COL5A3: variants seen among roughly 807,000 people sequenced by gnomAD.
The protein encoded by COL5A3 is collagen type V alpha 3 chain, also known as collagen alpha-3(V) chain.
COL5A3 carries 172 observed loss-of-function variants against 250.0 expected under a neutral mutation model. The observed-to-expected ratio is 0.69, with a 90% CI of 0.61 to 0.78. The LOEUF is 0.78. Ranked by LOEUF, COL5A3 falls within the 30% of genes least tolerant of loss-of-function variation. COL5A3 has a pLI of 0.00. For missense variants in COL5A3, 2,340 were observed against 2,334.4 expected (o/e 1.00, Z -0.05); for synonymous variants, 937 against 900.4 (o/e 1.04, Z -0.73).
At chr19:9,993,596 G>T in intron 18 of COL5A3, 23 bp downstream of exon 18, 6 of 1,613,152 alleles carry the variant, frequency 3.7e-6, no homozygotes, top group Non-Finnish European at 4.2e-6. Context: ...CTTAGACTTG[G>T]GGGAGGGACC....
Position 9,970,656 on chromosome 19 carries a change from C to A in COL5A3, c.3902G>T (p.Gly1301Val). 1 of 1,450,478 alleles carries A rather than the reference C, an allele frequency of 6.9e-7. No individual in the cohort carries two copies. The highest frequency in any genetic ancestry group is 2.6e-5 in the East Asian group (1 of 38,132). 89.9% of individuals were successfully genotyped at this position (1,450,478 alleles called of 1,614,324 possible). ...GGGGGGCCCGGGGGCGCCGGGCTCCCCAGAAGCTCCAGGCGGACCCTGGAG... is the reference window on the plus strand; with the variant it reads ...GGGGGGCCCGGGGGCGCCGGGCTCCACAGAAGCTCCAGGCGGACCCTGGAG... Reference protein sequence around the residue: ...VGGPGPPGASGEPGAPGPPGK... With the variant: ...VGGPGPPGASVEPGAPGPPGK... Residue 1301 changes from glycine (G) to valine (V), a missense_variant, in exon 54 of 67, where the codon GGG (glycine) becomes GTG (valine). Transcript: ENST00000264828.
At position 9,966,380 on chromosome 19, in the gene COL5A3, G is replaced by T; in HGVS notation, c.4716C>A (p.Phe1572Leu). Reference sequence around the variant, plus strand: ...CCGCCGTGAAGTTGCAAAAAACCCTGAACGAGTCCCGCGCGCAGCCCTGGT... The same window carrying T: ...CCGCCGTGAAGTTGCAAAAAACCCTTAACGAGTCCCGCGCGCAGCCCTGGT... ...DPNQGCARDS[F>L]RVFCNFTAGG... Residue 1572 changes from phenylalanine to leucine, a missense_variant, in exon 64 of 67, where the codon TTC (phenylalanine) becomes TTA (leucine). Around this residue, in one of 3 missense-constraint regions of COL5A3, gnomAD observed 1,179 missense variants for 1,162.6 expected, o/e 1.01. Transcript: ENST00000264828. 2 of 1,610,046 alleles carry T rather than the reference G, an allele frequency of 1.2e-6. No homozygotes were observed. Among genetic ancestry groups the T allele is most frequent in the Non-Finnish European group, 1.7e-6 (2 of 1,177,602 alleles).
rs528369088 is a variant in COL5A3 at position 9,995,683 on chromosome 19, T to A, written c.1534-66A>T. On this transcript the variant is annotated intron_variant, in intron 15 of 66. Coordinates refer to ENST00000264828, the MANE Select transcript of COL5A3 (RefSeq NM_015719.4). ...AGAAAGAGGGACTTATTCTATTGTA[T>A]TAAAAAAAATTAGAGATGGGGTCTT... The A allele has an allele frequency of 2.8e-5, 35 of 1,264,480 alleles. No homozygotes were observed. The African/African-American group carries it at 4.9e-4, about 18-fold the overall frequency. The allele number at this position is 1,264,480 out of a possible 1,614,324, so 78.3% of individuals were successfully genotyped here. A position where few individuals can be genotyped will look rare whatever the true frequency, so the allele number is the denominator to read the frequency against.
intron 33 of COL5A3, 75 bp downstream of exon 33, chr19:9,981,013 A>G: frequency 4.5e-6 from 7 of 1,546,154 alleles, no homozygotes; most frequent in Non-Finnish European, 6.3e-6. Flanking sequence ...CCCACAGATG[A>G]CCTCTCCACT....
chr19:9,982,244 A>C, intron 31 of COL5A3, 126 bp from the exon 32 acceptor site: 1 of 623,716 alleles, frequency 1.6e-6, no homozygotes, highest in Non-Finnish European at 2.8e-6. Flanking sequence ...TGGTCTCTAC[A>C]GCCCCAGCCT....
chr19:9,979,314 T>C (rs894079437), intron 38 of COL5A3, 50 bp downstream of exon 38: 3 of 1,609,814 alleles, frequency 1.9e-6, no homozygotes, highest in Non-Finnish European at 2.6e-6. Context: ...TTCCCCTAAA[T>C]ATCCCCCAAC....
intron 31 of COL5A3, 144 bp downstream of exon 31, chr19:9,985,698 G>C (rs767255759): frequency 1.4e-6 from 1 of 738,638 alleles, no homozygotes; most frequent in Non-Finnish European, 2.3e-6. Flanking sequence ...GAGCCACTAT[G>C]CCTGGCCAAA....
chr19:10,001,500 A>G, intron 8 of COL5A3, 24 bp downstream of exon 8: 2 of 1,611,816 alleles, frequency 1.2e-6, no homozygotes, highest in Middle Eastern at 3.3e-4. Context: ...TCTTGCACCT[A>G]ACCCCAGCCA....
rs369674786 is a variant in COL5A3, at chr19:9,960,406, C to T, written c.*5G>A. The T allele has an allele frequency of 3.1e-6, 5 of 1,614,036 alleles. No homozygotes were observed. In the African/African-American group the frequency reaches 6.7e-5, roughly 22 times the overall value. On this transcript the variant is annotated 3_prime_UTR_variant, in exon 67 of 67. Transcript: ENST00000264828. Reference sequence around the variant, plus strand: ...CCCTCATGGTCCCTCCCACCCCGGACACTCTCAGCTGCTGAAGCAGACGGG... The same window carrying T: ...CCCTCATGGTCCCTCCCACCCCGGATACTCTCAGCTGCTGAAGCAGACGGG...
At chr19:9,966,785 T>C in intron 62 of COL5A3, 39 bp from the exon 63 acceptor site, 1 of 1,415,878 alleles carries the variant, frequency 7.1e-7, no homozygotes, top group Non-Finnish European at 9.5e-7. Context: ...AGAGGGGAGA[T>C]GGGGGAGGGA....
chr19:9,996,728 G>A (rs1159850706), intron 11 of COL5A3, 39 bp from the exon 12 acceptor site: 7 of 1,508,690 alleles, frequency 4.6e-6, no homozygotes, highest in Non-Finnish European at 6.3e-6. Context: ...GAGACAGGGA[G>A]AGAGGGAGAG....
chr19:9,968,643 T>C lies in COL5A3; in HGVS notation c.4206+32A>G. ...GGAGGGAGGGAAAGAGGGGAGGAGA[T>C]GGGGAAGAGAATAATGGAATGATGT... On this transcript the variant is annotated intron_variant, in intron 58 of 66. Coordinates refer to ENST00000264828, the MANE Select transcript of COL5A3 (RefSeq NM_015719.4). This position sits in a 1 kb window ranked among gnomAD's most constrained non-coding sequence, Gnocchi z 4.1. 6.2e-7 allele frequency: 1 copy of C among 1,604,706 alleles called. No homozygotes were observed. Among genetic ancestry groups the C allele is most frequent in the South Asian group, 1.1e-5 (1 of 90,232 alleles).
intron 31 of COL5A3, among the ~76,000 whole-genome samples, chr19:9,984,086 CG>C (rs2087060188): frequency 2.0e-5 from 3 of 151,804 alleles, no homozygotes; most frequent in Non-Finnish European, 2.9e-5. Context: ...GTAAGTGGCA[CG>C]ATCTCAGCTC....
In COL5A3 at chr19:9,960,398, A is replaced by AC; in HGVS notation, c.*12dup. On this transcript the variant is annotated 3_prime_UTR_variant, in exon 67 of 67. Coordinates refer to ENST00000264828, the MANE Select transcript of COL5A3 (RefSeq NM_015719.4). ...CTGGGGCTCCCTCATGGTCCCTCCC[A>AC]CCCCGGACACTCTCAGCTGCTGAAG... 1 of 1,613,928 alleles carries AC rather than the reference A, an allele frequency of 6.2e-7. No individual in the cohort carries two copies. The highest frequency in any genetic ancestry group is 8.5e-7 in the Non-Finnish European group (1 of 1,179,986).
chr19:9,967,900 T>C lies in COL5A3; in HGVS notation c.4404+4A>G. 2.5e-6 allele frequency: 4 copies of C among 1,612,976 alleles called. No individual in the cohort carries two copies. Among genetic ancestry groups the C allele is most frequent in the Non-Finnish European group, 3.4e-6 (4 of 1,179,636 alleles). ...GTAAGCCCACGGAAGCAGGGTGTAC[T>C]CACCGGAGACCCTTTTGAGCCTTTC... On this transcript the variant is annotated splice_donor_region_variant and intron_variant, in intron 61 of 66. Coordinates refer to ENST00000264828, the MANE Select transcript of COL5A3 (RefSeq NM_015719.4).
At chr19:9,981,402 A>C (rs986550149) in intron 32 of COL5A3, among the ~76,000 whole-genome samples, 7 of 152,208 alleles carry the variant, frequency 4.6e-5, no homozygotes, top group Admixed American at 3.9e-4. Flanking sequence ...ACAGCTGTGC[A>C]GTATGCATAC....
At chr19:9,988,855 A>AGGGAAAG (rs1555738984) in intron 27 of COL5A3, among the ~76,000 whole-genome samples, 1 of 104,766 alleles carries the variant, frequency 9.5e-6, no homozygotes, top group Non-Finnish European at 1.8e-5. Context: ...AAAAAAAAAA[A>AGGGAAAG]AAAGAAAGTA....
At chr19:9,998,235 C>CACAG in intron 8 of COL5A3, 86 bp from the exon 9 acceptor site, 2 of 881,904 alleles carry the variant, frequency 2.3e-6, no homozygotes, top group South Asian at 3.6e-5. Context: ...CACACTTGCA[C>CACAG]ACACACACAC....
chr19:9,995,791 C>T (rs1022192259), intron 15 of COL5A3, among the ~76,000 whole-genome samples, 174 bp from the exon 16 acceptor site: 31 of 152,182 alleles, frequency 2.0e-4, no homozygotes, highest in African/African-American at 7.2e-4. Context: ...GTGTGTGCCA[C>T]TGTACCCAGC....
Sources: allele counts gnomAD v4.1 joint callset (sites outside exome capture counted in the v4.1 genomes callset), GRCh38; gene constraint gnomAD v4.1.1; regional missense constraint gnomAD v4.1.1; non-coding constraint Gnocchi (gnomAD v3.1); transcripts MANE v1.5; gene names NCBI Gene and HGNC (gene_info 2026-07-23, HGNC 2026-07-21).